The following CIMAP2 variants were observed in gnomAD, a reference collection of about 807,000 sequenced individuals.
CIMAP2 encodes ciliary microtubule-associated protein 2.
chr1:54,822,750 T>C, the CIMAP2 span, among the ~76,000 whole-genome samples: 3 of 152,152 alleles, frequency 2.0e-5, no homozygotes, highest in South Asian at 6.2e-4. Context: ...AAGTGATCCA[T>C]CCACTTCAGC....
chr1:54,837,563 C>T, the CIMAP2 span, among the ~76,000 whole-genome samples: 5 of 152,120 alleles, frequency 3.3e-5, no homozygotes, highest in Admixed American at 2.0e-4. Flanking sequence ...AGGGGTGAGG[C>T]GCCTCTTCTT....
chr1:54,811,765 G>GCCGGGGGGGGGCGGGCCCCCCCCCCCCC, the CIMAP2 span: 1 of 1,301,332 alleles, frequency 7.7e-7, no homozygotes. Flanking sequence ...GGTTCTGACA[G>GCCGGGGGGGGGCGGGCCCCCCCCCCCCC]CCTCCATGCC....
At chr1:54,811,765 G>GCCGGGGGGGCGGCCCCCCCCCC in the CIMAP2 span, 1 of 1,301,330 alleles carries the variant, frequency 7.7e-7, no homozygotes, top group Non-Finnish European at 1.1e-6. Context: ...GGTTCTGACA[G>GCCGGGGGGGCGGCCCCCCCCCC]CCTCCATGCC....
chr1:54,820,802 T>C, the CIMAP2 span, among the ~76,000 whole-genome samples: 1 of 152,178 alleles, frequency 6.6e-6, no homozygotes, highest in South Asian at 2.1e-4. Context: ...GGAGTTTCGC[T>C]CTGTCACCCA....
the CIMAP2 span, chr1:54,812,063 C>T: frequency 7.4e-6 from 12 of 1,613,994 alleles, no homozygotes; most frequent in African/African-American, 5.3e-5. Flanking sequence ...GTCTGGGACC[C>T]GGCACCTACT....
the CIMAP2 span, among the ~76,000 whole-genome samples, chr1:54,823,649 C>T: frequency 6.6e-6 from 1 of 152,122 alleles, no homozygotes; most frequent in African/African-American, 2.4e-5. Flanking sequence ...TCCTTTCTTC[C>T]TCTTTTATTG....
At chr1:54,827,426 C>T in the CIMAP2 span, among the ~76,000 whole-genome samples, 1 of 152,200 alleles carries the variant, frequency 6.6e-6, no homozygotes, top group Non-Finnish European at 1.5e-5. Context: ...GGACTCTCCC[C>T]CTGGACACCT....
At chr1:54,820,462 G>A in the CIMAP2 span, among the ~76,000 whole-genome samples, 3 of 152,026 alleles carry the variant, frequency 2.0e-5, no homozygotes, top group Admixed American at 6.6e-5. Flanking sequence ...ACAGATGTGA[G>A]CCACTACGCC....
the CIMAP2 span, among the ~76,000 whole-genome samples, chr1:54,836,126 G>A: frequency 1.3e-5 from 2 of 152,048 alleles, no homozygotes; most frequent in African/African-American, 4.8e-5. Flanking sequence ...CTGGGACACA[G>A]AAGTCAGGTG....
the CIMAP2 span, chr1:54,807,884 C>T: frequency 6.4e-7 from 1 of 1,571,870 alleles, no homozygotes; most frequent in Non-Finnish European, 8.6e-7. Context: ...CTTCTCTTGG[C>T]ACAGGAGCAA....
chr1:54,806,316 C>T, the CIMAP2 span: 30 of 1,242,518 alleles, frequency 2.4e-5, no homozygotes, highest in Non-Finnish European at 3.2e-5. Context: ...AGGGTGTCCA[C>T]CTACACACAG....
At chr1:54,811,554 T>G in the CIMAP2 span, among the ~76,000 whole-genome samples, 6 of 152,136 alleles carry the variant, frequency 3.9e-5, no homozygotes, top group East Asian at 1.2e-3. Flanking sequence ...CAGTGAGATA[T>G]AACTTGCACA....
chr1:54,837,771 G>A, the CIMAP2 span, among the ~76,000 whole-genome samples: 2 of 152,154 alleles, frequency 1.3e-5, no homozygotes, highest in Non-Finnish European at 2.9e-5. Flanking sequence ...TGCCAACAAC[G>A]TGCAAGGAAG....
the CIMAP2 span, among the ~76,000 whole-genome samples, chr1:54,824,648 C>A: frequency 6.7e-6 from 1 of 149,222 alleles, no homozygotes; most frequent in African/African-American, 2.4e-5. Flanking sequence ...CTTTCTTCTG[C>A]TTGATGTAGT....
chr1:54,811,770 C>G, the CIMAP2 span: 1 of 524,288 alleles, frequency 1.9e-6, no homozygotes, highest in African/African-American at 2.1e-5. Context: ...TGACAGCCTC[C>G]ATGCCCCCAC....
chr1:54,806,193 G>C, the CIMAP2 span: 6 of 1,548,478 alleles, frequency 3.9e-6, no homozygotes, highest in Non-Finnish European at 5.2e-6. Flanking sequence ...TGGTTCACCG[G>C]GGCGCCCTTC....
At chr1:54,809,150 ATTC>A in the CIMAP2 span, among the ~76,000 whole-genome samples, 1 of 152,172 alleles carries the variant, frequency 6.6e-6, no homozygotes, top group Admixed American at 6.5e-5. Context: ...AAACATTCTA[ATTC>A]TTTGCAATCA....
the CIMAP2 span, chr1:54,814,048 G>A: frequency 2.0e-6 from 3 of 1,484,606 alleles, no homozygotes; most frequent in East Asian, 4.7e-5. Context: ...CATGGGGTAG[G>A]GTGGCTAATT....
At chr1:54,835,765 C>T in the CIMAP2 span, among the ~76,000 whole-genome samples, 13,970 of 152,134 alleles carry the variant, frequency 0.092, 871 homozygotes, top group Non-Finnish European at 0.13. Flanking sequence ...GGCACTCACC[C>T]ACCTCCCCAG....
Sources: allele counts gnomAD v4.1 joint callset (sites outside exome capture counted in the v4.1 genomes callset), GRCh38; gene constraint gnomAD v4.1.1; transcripts MANE v1.5; gene names NCBI Gene and HGNC (gene_info 2026-07-23, HGNC 2026-07-21).